The following MGST3 variants were observed in gnomAD, a reference collection of about 807,000 sequenced individuals.
MGST3 encodes the protein microsomal glutathione S-transferase 3.
In MGST3, 13 loss-of-function variants were observed where a neutral mutation model predicts 15.8. That is an observed-to-expected ratio of 0.82 (90% CI 0.54 to 1.31). The LOEUF (loss-of-function observed/expected upper bound fraction) is 1.31. Ranked by LOEUF, MGST3 falls within the 50% of genes most tolerant of loss-of-function variation. MGST3 has a pLI of 0.00. For missense variants in MGST3, 155 were observed against 192.4 expected (o/e 0.81, Z 1.15); for synonymous variants, 49 against 68.1 (o/e 0.72, Z 1.38).
intron 1 of MGST3, among the ~76,000 whole-genome samples, chr1:165,634,024 GTTTTTTTT>G (rs56190944): frequency 7.2e-6 from 1 of 138,458 alleles, no homozygotes; most frequent in African/African-American, 2.7e-5. Flanking sequence ...CTTTCCCAAA[GTTTTTTTT>G]TTTTTTTTTT....
chr1:165,642,296 C>T (rs1648283340), intron 1 of MGST3, among the ~76,000 whole-genome samples: 1 of 152,196 alleles, frequency 6.6e-6, no homozygotes, highest in Admixed American at 6.5e-5. Flanking sequence ...CACGATCACC[C>T]TCATGCAGTG....
intron 1 of MGST3, chr1:165,649,101 A>T (rs1248015942): frequency 6.6e-6 from 1 of 152,176 alleles, no homozygotes; most frequent in Non-Finnish European, 1.5e-5. Flanking sequence ...GGGCAATCTG[A>T]GTTCCTCAGG....
In MGST3 at chr1:165,655,923, AG is replaced by A. The variant is rs1557997734; in HGVS notation, c.*420del. 1 of 218,522 alleles carries A rather than the reference AG, an allele frequency of 4.6e-6. No individual in the cohort carries two copies. 13.5% of individuals were successfully genotyped at this position (218,522 alleles called of 1,614,324 possible). On this transcript the variant is annotated 3_prime_UTR_variant, in exon 6 of 6. Coordinates refer to ENST00000367889, the MANE Select transcript of MGST3 (RefSeq NM_004528.4). ...AGTTCAAGACCAGCCTGGGCAACAT[AG>A]CAAAACCCCATCTCTACAAAAAAAT...
chr1:165,631,355 G>A (rs1033191354), intron 1 of MGST3, 62 bp downstream of exon 1: 1 of 153,014 alleles, frequency 6.5e-6, no homozygotes, highest in African/African-American at 2.4e-5. Context: ...TTCAGCCTTT[G>A]CGCAGGGCAC....
intron 1 of MGST3, chr1:165,632,317 C>T (rs780938517): frequency 6.2e-7 from 1 of 1,607,670 alleles, no homozygotes; most frequent in South Asian, 1.1e-5. Flanking sequence ...GGAATTGCTG[C>T]AGATTTTAGA....
chr1:165,643,352 G>A (rs2101718854), intron 1 of MGST3, among the ~76,000 whole-genome samples: 1 of 152,066 alleles, frequency 6.6e-6, no homozygotes, highest in South Asian at 2.1e-4. Context: ...AACCAAATTT[G>A]TTTGCATTTC....
rs1005627751 is a variant in MGST3 at position 165,650,859 on chromosome 1, T to C, written c.118-155T>C. The C allele has an allele frequency of 1.1e-5, 8 of 695,784 alleles. No homozygotes were observed. The African/African-American group carries it at 1.2e-4, about 11-fold the overall frequency. 43.1% of individuals were successfully genotyped at this position (695,784 alleles called of 1,614,324 possible). A position where few individuals can be genotyped will look rare whatever the true frequency, so the allele number is the denominator to read the frequency against. On this transcript the variant is annotated intron_variant, in intron 2 of 5. Coordinates refer to ENST00000367889, the MANE Select transcript of MGST3 (RefSeq NM_004528.4). ...ACTCTGCTTCTGAGAATTGAGACCC[T>C]TGTCACCATAAATATTTAAGCAGAA...
At chr1:165,649,674 T>A in intron 1 of MGST3, 167 bp from the exon 2 acceptor site, 2 of 723,874 alleles carry the variant, frequency 2.8e-6, no homozygotes, top group Non-Finnish European at 4.6e-6. Context: ...AATTATTTTA[T>A]ATGGTACTGT....
intron 4 of MGST3, among the ~76,000 whole-genome samples, chr1:165,652,562 G>A (rs893700257): frequency 1.1e-4 from 17 of 152,336 alleles, no homozygotes; most frequent in African/African-American, 3.8e-4. Context: ...GAAAGGGGAT[G>A]TGGAGTGGGA....
chr1:165,632,150 T>A (rs1028540259), intron 1 of MGST3: 42 of 1,207,424 alleles, frequency 3.5e-5, no homozygotes, highest in Non-Finnish European at 5.0e-5. Context: ...CAAGTAAGTG[T>A]GGAAGACGAG....
intron 4 of MGST3, among the ~76,000 whole-genome samples, chr1:165,652,781 G>T (rs1557996442): frequency 6.6e-6 from 1 of 152,218 alleles, no homozygotes; most frequent in Admixed American, 6.5e-5. Flanking sequence ...AGAGGGCAGA[G>T]GGGTGATGAG....
chr1:165,644,828 G>A (rs1648352897), intron 1 of MGST3, among the ~76,000 whole-genome samples: 1 of 151,960 alleles, frequency 6.6e-6, no homozygotes, highest in East Asian at 1.9e-4. Context: ...GTGCAATCTC[G>A]GCTCACTGCA....
At position 165,645,094 on chromosome 1, in the gene MGST3, A is replaced by AT. The variant is rs112220116; in HGVS notation, c.-7-4738dup. On this transcript the variant is annotated intron_variant, in intron 1 of 5. Transcript: ENST00000367889. ...TTTCTTCATATCCTTATTCTATAAGATTTTTTTTTCTATGTTTTAAATACT... is the reference window on the plus strand; with the variant it reads ...TTTCTTCATATCCTTATTCTATAAGATTTTTTTTTTCTATGTTTTAAATACT... 7.0e-4 allele frequency among the ~76,000 whole-genome samples: 106 copies of AT among 151,440 alleles called. No homozygotes were observed. The South Asian group carries it at 0.021, about 29-fold the overall frequency.
intron 1 of MGST3, among the ~76,000 whole-genome samples, chr1:165,641,161 G>A (rs915051435): frequency 6.7e-6 from 1 of 150,300 alleles, no homozygotes; most frequent in Non-Finnish European, 1.5e-5. Flanking sequence ...CTAGCCTGGG[G>A]GGAAGAGCAA....
chr1:165,655,623 C>T lies in MGST3; in HGVS notation c.*119C>T, dbSNP rs1648688528. On this transcript the variant is annotated 3_prime_UTR_variant, in exon 6 of 6. Coordinates refer to ENST00000367889, the MANE Select transcript of MGST3 (RefSeq NM_004528.4). The stretch of plus-strand genomic sequence containing the variant: ...TGGCATCAGCCTCATACCTAAAACT[C>T]CTGACTCTTACCACTCATTTCCGTT... The T allele has an allele frequency of 4.1e-6, 5 of 1,230,162 alleles. No individual in the cohort carries two copies. Among genetic ancestry groups the T allele is most frequent in the Admixed American group, 4.1e-5 (2 of 48,610 alleles). 76.2% of individuals were successfully genotyped at this position (1,230,162 alleles called of 1,614,324 possible). A position where few individuals can be genotyped will look rare whatever the true frequency, so the allele number is the denominator to read the frequency against.
intron 5 of MGST3, among the ~76,000 whole-genome samples, 175 bp from the exon 6 acceptor site, chr1:165,655,193 C>G (rs1648674790): frequency 6.6e-6 from 1 of 152,214 alleles, no homozygotes; most frequent in Admixed American, 6.5e-5. Flanking sequence ...TGGCACGTTA[C>G]TTGGCATGTG....
intron 1 of MGST3, among the ~76,000 whole-genome samples, chr1:165,634,060 C>G (rs933566328): frequency 3.5e-5 from 5 of 142,522 alleles, no homozygotes; most frequent in Non-Finnish European, 7.6e-5. Context: ...CAATTTGAAA[C>G]ATCTCAGGCT....
chr1:165,641,624 A>T (rs1376069118), intron 1 of MGST3, among the ~76,000 whole-genome samples: 3 of 152,226 alleles, frequency 2.0e-5, no homozygotes, highest in Non-Finnish European at 4.4e-5. Context: ...TACCAGGTAC[A>T]TATCTAGTTT....
intron 1 of MGST3, among the ~76,000 whole-genome samples, chr1:165,645,115 A>G (rs1289215139): frequency 6.6e-6 from 1 of 151,996 alleles, no homozygotes; most frequent in East Asian, 1.9e-4. Context: ...TATGTTTTAA[A>G]TACTTTTTTT....
Sources: gnomAD v4.1 joint callset for allele counts (sites outside exome capture counted in the v4.1 genomes callset) on GRCh38, gnomAD v4.1.1 for gene constraint, MANE v1.5 for transcripts, NCBI Gene and HGNC (gene_info 2026-07-23, HGNC 2026-07-21) for gene names.